The following TRDN variants were observed in gnomAD, a reference collection of about 807,000 sequenced individuals.
TRDN encodes triadin in skeletal muscle.
TRDN carries 161 observed loss-of-function variants against 149.7 expected under a neutral mutation model. That is an observed-to-expected ratio of 1.08 (90% CI 0.95 to 1.23). TRDN has a LOEUF of 1.23. Ranked by LOEUF, TRDN falls within the 50% of genes most tolerant of loss-of-function variation. The pLI, the probability that TRDN is intolerant of heterozygous loss-of-function variation, is 0.00. For missense variants in TRDN, 896 were observed against 823.5 expected (o/e 1.09, Z -1.08); for synonymous variants, 294 against 250.5 (o/e 1.17, Z -1.64).
At position 123,411,314 on chromosome 6, in the gene TRDN, G is replaced by A. The variant is rs189714545; in HGVS notation, c.1052-17637C>T. ...CCTGCCTCGGCTTCCCAAAATGCTG[G>A]GATTAGAAGCATGAGCCACCGCACC... On this transcript the variant is annotated intron_variant, in intron 12 of 40. Transcript: ENST00000334268. Among the ~76,000 whole-genome samples the A allele has an allele frequency of 2.8e-3, 424 of 152,042 alleles. 1 individual carries two copies. Among genetic ancestry groups the A allele is most frequent in the Non-Finnish European group, 4.8e-3 (324 of 68,006 alleles).
At chr6:123,602,874 T>G (rs1447295594) in intron 1 of TRDN, among the ~76,000 whole-genome samples, 3 of 152,102 alleles carry the variant, frequency 2.0e-5, no homozygotes, top group Non-Finnish European at 4.4e-5. Flanking sequence ...ACTTAATTAC[T>G]GTGTTATTCA....
chr6:123,229,870 C>T lies in TRDN; in HGVS notation c.1976-5739G>A, dbSNP rs74674118. On this transcript the variant is annotated intron_variant, in intron 38 of 40. Transcript: ENST00000334268. ...ATTATGTAGGTTTGATAAGTGAATT[C>T]GCAAATTTTATACTAAAATGCAGAT... 5.2e-3 allele frequency among the ~76,000 whole-genome samples: 794 copies of T among 151,982 alleles called. 10 individuals are homozygous for T. The highest frequency in any genetic ancestry group is 0.016 in the East Asian group (83 of 5,148).
chr6:123,332,497 A>G (rs1231053519), intron 22 of TRDN, among the ~76,000 whole-genome samples: 4 of 152,098 alleles, frequency 2.6e-5, no homozygotes, highest in East Asian at 1.9e-4. Flanking sequence ...AAGTAACTCA[A>G]ATAAAACTTT....
At chr6:123,415,610 C>G (rs1773617559) in intron 12 of TRDN, among the ~76,000 whole-genome samples, 1 of 152,030 alleles carries the variant, frequency 6.6e-6, no homozygotes, top group Non-Finnish European at 1.5e-5. Flanking sequence ...AGTGTACTAG[C>G]CAAATAATCA....
At chr6:123,442,545 C>CAAAAAAAA (rs1434202710) in intron 10 of TRDN, among the ~76,000 whole-genome samples, 1 of 36,428 alleles carries the variant, frequency 2.7e-5, no homozygotes, top group Non-Finnish European at 5.8e-5. Flanking sequence ...GACTCCGTCT[C>CAAAAAAAA]AAAAAAAAAA....
At chr6:123,544,074 C>T (rs1156733925) in intron 4 of TRDN, among the ~76,000 whole-genome samples, 1 of 151,802 alleles carries the variant, frequency 6.6e-6, no homozygotes, top group Non-Finnish European at 1.5e-5. Context: ...ATTATTAAAC[C>T]TGAAAAATGA....
At chr6:123,633,615 A>G (rs1325324088) in intron 1 of TRDN, among the ~76,000 whole-genome samples, 1 of 152,098 alleles carries the variant, frequency 6.6e-6, no homozygotes, top group African/African-American at 2.4e-5. Context: ...CATTGCTGTT[A>G]TAATTATCTT....
intron 1 of TRDN, among the ~76,000 whole-genome samples, chr6:123,622,595 A>G (rs774454297): frequency 6.6e-6 from 1 of 152,296 alleles, no homozygotes; most frequent in East Asian, 1.9e-4. Context: ...TTTAAAAATT[A>G]TGATGACTCA....
intron 2 of TRDN, among the ~76,000 whole-genome samples, chr6:123,561,615 A>T (rs1455645053): frequency 6.6e-6 from 1 of 152,164 alleles, no homozygotes; most frequent in Non-Finnish European, 1.5e-5. Context: ...GGGTCCTCCC[A>T]ATTTTCAGTC....
chr6:123,323,549 C>T (rs9375245), intron 23 of TRDN, among the ~76,000 whole-genome samples: 27,207 of 152,114 alleles, frequency 0.18, 3,471 homozygotes, highest in East Asian at 0.63. Flanking sequence ...GTTTGTAATG[C>T]AGGCGCTTAA....
intron 12 of TRDN, among the ~76,000 whole-genome samples, chr6:123,432,372 T>A (rs909538382): frequency 6.6e-6 from 1 of 151,916 alleles, no homozygotes; most frequent in African/African-American, 2.4e-5. Flanking sequence ...CTGCATAGAA[T>A]CCTAGTCATA....
At chr6:123,222,941 A>G (rs769223284) in intron 39 of TRDN, among the ~76,000 whole-genome samples, 19 of 151,920 alleles carry the variant, frequency 1.3e-4, no homozygotes, top group Non-Finnish European at 1.9e-4. Flanking sequence ...CAAAACCACA[A>G]TAAGATAACA....
At chr6:123,329,980 T>C (rs974421409) in intron 23 of TRDN, among the ~76,000 whole-genome samples, 12 of 152,074 alleles carry the variant, frequency 7.9e-5, no homozygotes, top group Non-Finnish European at 1.5e-4. Context: ...TGATATATGT[T>C]GCCCCTGTCC....
chr6:123,325,724 C>A (rs754762233), intron 23 of TRDN, among the ~76,000 whole-genome samples: 1 of 152,010 alleles, frequency 6.6e-6, no homozygotes, highest in Non-Finnish European at 1.5e-5. Context: ...TATTTATGGT[C>A]TCTAGATGTA....
intron 11 of TRDN, 87 bp from the exon 12 acceptor site, chr6:123,438,209 A>G (rs1176754110): frequency 2.2e-6 from 2 of 912,946 alleles, no homozygotes; most frequent in African/African-American, 1.7e-5. Context: ...TGAGGCATCT[A>G]ATTTATCTTG....
In TRDN at chr6:123,491,842, AT is replaced by A. The variant is rs559757768; in HGVS notation, c.853+5350del. 3.9e-5 allele frequency among the ~76,000 whole-genome samples: 6 copies of A among 152,236 alleles called. No homozygotes were observed. In the South Asian group the frequency reaches 1.2e-3, roughly 32 times the overall value. On this transcript the variant is annotated intron_variant, in intron 9 of 40. Transcript: ENST00000334268. Reference sequence around the variant, plus strand: ...GGAACTATGCCTACCTTGGAGCAGGATTTTTTTCAGAAGTCTAAAGCAAAGC... The same window carrying A: ...GGAACTATGCCTACCTTGGAGCAGGATTTTTTCAGAAGTCTAAAGCAAAGC...
At chr6:123,305,021 G>T (rs1168661825) in intron 24 of TRDN, among the ~76,000 whole-genome samples, 2 of 152,018 alleles carry the variant, frequency 1.3e-5, no homozygotes, top group African/African-American at 4.8e-5. Context: ...ATATTTTTAT[G>T]GCAATATGGT....
At chr6:123,369,353 G>A (rs1200020754) in intron 19 of TRDN, among the ~76,000 whole-genome samples, 2 of 151,988 alleles carry the variant, frequency 1.3e-5, no homozygotes, top group South Asian at 2.1e-4. Flanking sequence ...ACATTCATAG[G>A]TACCAGGGTA....
chr6:123,624,155 C>A (rs1321874), intron 1 of TRDN, among the ~76,000 whole-genome samples: 69,329 of 151,904 alleles, frequency 0.46, 18,987 homozygotes, highest in African/African-American at 0.77. Flanking sequence ...TAGGTGCATG[C>A]TTATCACTCA....
Sources: allele counts gnomAD v4.1 joint callset (sites outside exome capture counted in the v4.1 genomes callset), GRCh38; gene constraint gnomAD v4.1.1; transcripts MANE v1.5; gene names NCBI Gene and HGNC (gene_info 2026-07-23, HGNC 2026-07-21).